The following ABCC5 variants were observed in gnomAD, a reference collection of about 807,000 sequenced individuals.
The protein encoded by ABCC5 is ATP-binding cassette sub-family C member 5.
Under a neutral mutation model 160.9 loss-of-function variants are expected in ABCC5, and 61 were observed. The observed-to-expected ratio is 0.38, with a 90% CI of 0.31 to 0.47. The LOEUF is 0.47. ABCC5 is among the 20% of genes least tolerant of loss of function. The pLI is 0.99. For missense variants in ABCC5, 1,308 were observed against 1,813.3 expected, an observed-to-expected ratio of 0.72 and a Z score of 5.06; for synonymous variants, 666 against 700.6, an observed-to-expected ratio of 0.95 and a Z score of 0.78.
intron 12 of ABCC5, among the ~76,000 whole-genome samples, chr3:183,965,776 A>C (rs1389803741): frequency 1.3e-5 from 2 of 152,214 alleles, no homozygotes; most frequent in African/African-American, 4.8e-5. Flanking sequence ...AAACTGTTTA[A>C]ATTAGGAGAA....
At chr3:183,941,356 G>C (rs1298709914) in intron 25 of ABCC5, among the ~76,000 whole-genome samples, 1 of 152,270 alleles carries the variant, frequency 6.6e-6, no homozygotes, top group South Asian at 2.1e-4. Flanking sequence ...AAGGCTTGGG[G>C]AGAGTCACCC....
At chr3:184,013,446 G>T (rs1721922421) in intron 2 of ABCC5, among the ~76,000 whole-genome samples, 1 of 151,946 alleles carries the variant, frequency 6.6e-6, no homozygotes, top group African/African-American at 2.4e-5. Context: ...CAGAGACAGG[G>T]TTTCACCGTG....
intron 5 of ABCC5, chr3:183,986,013 A>G (rs143409741): frequency 5.4e-4 from 84 of 156,512 alleles, no homozygotes; most frequent in African/African-American, 1.5e-3. Flanking sequence ...AGGTTTCTGT[A>G]AGAACAGATT....
intron 2 of ABCC5, among the ~76,000 whole-genome samples, chr3:184,005,624 A>T (rs1336220061): frequency 2.8e-5 from 4 of 141,328 alleles, no homozygotes; most frequent in East Asian, 2.4e-4. Context: ...GTAAGACATT[A>T]AAAAAAGCAT....
In ABCC5 at chr3:183,956,735, A is replaced by T. The variant is rs75842454; in HGVS notation, c.2482+2998T>A. Among the ~76,000 whole-genome samples the T allele has an allele frequency of 8.2e-4, 18 of 22,026 alleles. 1 individual carries two copies. The highest frequency in any genetic ancestry group is 2.0e-3 in the Admixed American group (5 of 2,546). The allele number at this position is 22,026 out of a possible 152,430, so 14.4% of individuals were successfully genotyped here. A position where few individuals can be genotyped will look rare whatever the true frequency, so the allele number is the denominator to read the frequency against. ...TAGGTTACATGCAGATCCGTGTGTA[A>T]ATCACATCGGTTACATGCGGATCCG... On this transcript the variant is annotated intron_variant, in intron 17 of 29. Coordinates refer to ENST00000334444, the MANE Select transcript of ABCC5 (RefSeq NM_005688.4).
intron 29 of ABCC5, among the ~76,000 whole-genome samples, chr3:183,922,823 G>T (rs900437165): frequency 6.6e-6 from 1 of 152,148 alleles, no homozygotes; most frequent in Non-Finnish European, 1.5e-5. Context: ...GAACATAAGC[G>T]TGTCCTTCCT....
At chr3:183,922,347 T>C (rs917468899) in intron 29 of ABCC5, among the ~76,000 whole-genome samples, 60 of 146,562 alleles carry the variant, frequency 4.1e-4, no homozygotes, top group African/African-American at 1.4e-3. Context: ...ACTCCCAGCC[T>C]GGGCAACAAG....
rs369878424 is a variant in ABCC5 at position 183,988,765 on chromosome 3, C to T, written c.288-38G>A. The T allele has an allele frequency of 1.1e-5, 18 of 1,602,144 alleles. No homozygotes were observed. In the Admixed American group the frequency reaches 1.7e-4, roughly 15 times the overall value. ...AACCGAAATCACAAAGCTATCAACA[C>T]GCACGGAGAGGGCAGCCCGTGTTTA... is the stretch of plus-strand genomic sequence containing the variant. On this transcript the variant is annotated intron_variant, in intron 3 of 29. Transcript: ENST00000334444. This position sits in a 1 kb window ranked among gnomAD's most constrained non-coding sequence, Gnocchi z 4.4.
In ABCC5 at chr3:183,987,719, T is replaced by C. The variant is rs886957174; in HGVS notation, c.591+51A>G. The stretch of plus-strand genomic sequence containing the variant: ...TGCAACAGAATAAGAGTGTTAGAGC[T>C]GGCCGTGGCCGGGCCCCTGGAGACT... On this transcript the variant is annotated intron_variant, in intron 5 of 29. Transcript: ENST00000334444. The surrounding 1 kb of genome is among the most constrained non-coding windows in gnomAD (Gnocchi z 4.2). The C allele has an allele frequency of 2.5e-6, 4 of 1,612,528 alleles. No homozygotes were observed. The highest frequency in any genetic ancestry group is 3.3e-5 in the Admixed American group (2 of 59,860).
chr3:183,946,017 T>A, intron 23 of ABCC5, 78 bp from the exon 24 acceptor site: 1 of 1,297,878 alleles, frequency 7.7e-7, no homozygotes, highest in Non-Finnish European at 1.1e-6. Flanking sequence ...ACTTCCTTCA[T>A]CTAGAGGACT....
chr3:183,929,232 G>A (rs1445377222), intron 26 of ABCC5, among the ~76,000 whole-genome samples: 1 of 151,888 alleles, frequency 6.6e-6, no homozygotes, highest in East Asian at 1.9e-4. Flanking sequence ...CAGGAGTTCA[G>A]GACCAGCCTG....
At position 183,971,742 on chromosome 3, in the gene ABCC5, C is replaced by G; in HGVS notation, c.1582G>C (p.Glu528Gln). The G allele has an allele frequency of 6.2e-7, 1 of 1,614,234 alleles. No individual in the cohort carries two copies. The highest frequency in any genetic ancestry group is 1.7e-5 in the Admixed American group (1 of 60,026). ...KDKRASRGKKEKVRQLQRTEH... is the reference protein window; with the variant it reads ...KDKRASRGKKQKVRQLQRTEH... ...GTGCGCTGCAGCTGCCTCACCTTCT[C>G]TTTCTTGCCCCTGGAAGCCCTCTTG... The change falls in exon 11 of 30, where the codon GAG (glutamate) becomes CAG (glutamine). Residue 528 changes from glutamate to glutamine, a missense_variant. Around this residue, in one of 3 missense-constraint regions of ABCC5, gnomAD observed 1,142 missense variants for 1,527.1 expected, o/e 0.75. Coordinates refer to ENST00000334444, the MANE Select transcript of ABCC5 (RefSeq NM_005688.4).
At position 183,988,615 on chromosome 3, in the gene ABCC5, A is replaced by G. The variant is rs1424706116; in HGVS notation, c.400T>C (p.Trp134Arg). Residue 134 changes from tryptophan to arginine, a missense_variant, in exon 4 of 30, where the codon TGG (tryptophan) becomes CGG (arginine). Coordinates refer to ENST00000334444, the MANE Select transcript of ABCC5 (RefSeq NM_005688.4). This position sits in a 1 kb window ranked among gnomAD's most constrained non-coding sequence, Gnocchi z 4.4. Reference protein sequence around the residue: ...KKGELSMEDVWSLSKHESSDV... With the variant: ...KKGELSMEDVRSLSKHESSDV... ...GAAGACTCGTGCTTGGACAGAGACC[A>G]CACGTCTTCCATTGAGAGCTCCCCC... 9.9e-6 allele frequency: 16 copies of G among 1,614,234 alleles called. No individual in the cohort carries two copies. Among genetic ancestry groups the G allele is most frequent in the Non-Finnish European group, 1.4e-5 (16 of 1,180,040 alleles).
At chr3:183,939,250 T>C (rs1714052581) in intron 25 of ABCC5, among the ~76,000 whole-genome samples, 3 of 152,126 alleles carry the variant, frequency 2.0e-5, no homozygotes, top group Admixed American at 1.3e-4. Context: ...CTGGCCAACA[T>C]GGTGAAACCC....
chr3:183,954,129 T>C (rs1447282820), intron 17 of ABCC5, among the ~76,000 whole-genome samples: 1 of 150,036 alleles, frequency 6.7e-6, no homozygotes, highest in East Asian at 2.0e-4. Flanking sequence ...TGCAGGAAAG[T>C]TGGTTGGTCT....
intron 2 of ABCC5, chr3:184,001,216 G>T (rs949115426): frequency 3.7e-6 from 2 of 534,226 alleles, no homozygotes; most frequent in Non-Finnish European, 6.7e-6. Context: ...TCATGCCACC[G>T]CACTACAGTC....
In ABCC5 at chr3:183,987,810, A is replaced by G. The variant is rs1247269016; in HGVS notation, c.551T>C (p.Val184Ala). ...FCRTRLILSI[V>A]CLMITQLAGF... ...AGCCAGCTGCGTGATCATCAGGCAC[A>G]CGATGGACAGGATGAGCCTGGTGCG... The change falls in exon 5 of 30, where the codon GTG becomes GCG. Residue 184 changes from valine (V) to alanine (A), a missense_variant. Val to Ala is a moderately conservative substitution (Grantham distance 64, BLOSUM62 0). Transcript: ENST00000334444. This position sits in a 1 kb window ranked among gnomAD's most constrained non-coding sequence, Gnocchi z 4.2. 7 of 1,614,118 alleles carry G rather than the reference A, an allele frequency of 4.3e-6. No individual in the cohort carries two copies. Among genetic ancestry groups the G allele is most frequent in the East Asian group, 2.2e-5 (1 of 44,890 alleles).
Position 183,988,838 on chromosome 3 carries a change from C to G in ABCC5, c.288-111G>C. On this transcript the variant is annotated intron_variant, in intron 3 of 29. Coordinates refer to ENST00000334444, the MANE Select transcript of ABCC5 (RefSeq NM_005688.4). This position sits in a 1 kb window ranked among gnomAD's most constrained non-coding sequence, Gnocchi z 4.4. ...AGCTCTTAGCTAAAGACCAGTCTCC[C>G]CAGATGATCTAATCTTAGCCTGAAT... 1 of 1,265,670 alleles carries G rather than the reference C, an allele frequency of 7.9e-7. No homozygotes were observed. The highest frequency in any genetic ancestry group is 1.1e-6 in the Non-Finnish European group (1 of 928,610). The allele number at this position is 1,265,670 out of a possible 1,614,324, so 78.4% of individuals were successfully genotyped here.
In ABCC5 at chr3:183,982,861, G is replaced by A. The variant is rs745504680; in HGVS notation, c.738C>T (p.Thr246=). 1.1e-5 allele frequency: 17 copies of A among 1,614,058 alleles called. No homozygotes were observed. Among genetic ancestry groups the A allele is most frequent in the South Asian group, 2.2e-5 (2 of 91,086 alleles). Residue 246 remains threonine (T), a synonymous_variant, in exon 6 of 30, where the codon ACC becomes ACT. Transcript: ENST00000334444. This position sits in a 1 kb window ranked among gnomAD's most constrained non-coding sequence, Gnocchi z 5.2. The part of the protein sequence containing the change: ...LALTWALNYR[T]GVRLRGAILT... ...GGATGGCCCCCCGCAAGCGGACACC[G>A]GTTCGGTAATTCAATGCCCAAGTCA...
Sources: allele counts gnomAD v4.1 joint callset (sites outside exome capture counted in the v4.1 genomes callset), GRCh38; gene constraint gnomAD v4.1.1; regional missense constraint gnomAD v4.1.1; non-coding constraint Gnocchi (gnomAD v3.1); transcripts MANE v1.5; gene names NCBI Gene and HGNC (gene_info 2026-07-23, HGNC 2026-07-21).